WASHC5: variants seen among roughly 807,000 people sequenced by gnomAD.
The protein encoded by WASHC5 is WASH complex subunit 5.
A neutral mutation model predicts 150.4 loss-of-function variants in WASHC5; 101 were observed. That is an observed-to-expected ratio of 0.67 (90% CI 0.57 to 0.79). The LOEUF is 0.79. WASHC5 is among the 30% of genes least tolerant of loss of function. The pLI is 0.00. For synonymous variants in WASHC5, 467 were observed against 491.2 expected (o/e 0.95, Z 0.65); for missense variants, 1,195 against 1,396.3 (o/e 0.86, Z 2.30).
At chr8:125,081,601 A>AC in intron 5 of WASHC5, 60 bp downstream of exon 5, 1 of 896,066 alleles carries the variant, frequency 1.1e-6, no homozygotes, top group African/African-American at 1.6e-5. Flanking sequence ...GAATATGGGG[A>AC]CATACACTGC....
At position 125,032,257 on chromosome 8, in the gene WASHC5, C is replaced by T. The variant is rs138407503; in HGVS notation, c.3319G>A (p.Val1107Met). The change falls in exon 27 of 29, where the codon GTG becomes ATG. Residue 1107 changes from valine (V) to methionine (M), a missense_variant. Physicochemically the swap from Val to Met is conservative, Grantham distance 21 (BLOSUM62 1). Coordinates refer to ENST00000318410, the MANE Select transcript of WASHC5 (RefSeq NM_014846.4). ...ALIGQFICST[V>M]EQCTSQKIPE... Reference sequence around the variant, plus strand: ...CTTCTGTACCTTGTACACTGCTCCACCGTGGAGCAGATAAACTGGCCAATC... The same window carrying T: ...CTTCTGTACCTTGTACACTGCTCCATCGTGGAGCAGATAAACTGGCCAATC... The T allele has an allele frequency of 3.5e-3, 5,648 of 1,614,146 alleles. 15 individuals carry two copies. Among genetic ancestry groups the T allele is most frequent in the Non-Finnish European group, 3.7e-3 (4,358 of 1,180,012 alleles).
At chr8:125,029,113 C>T (rs1563606058) in intron 27 of WASHC5, among the ~76,000 whole-genome samples, 1 of 151,618 alleles carries the variant, frequency 6.6e-6, no homozygotes, top group Non-Finnish European at 1.5e-5. Flanking sequence ...CTCACTGCAA[C>T]CTCCGCCTCC....
Position 125,038,733 on chromosome 8 carries a change from C to T in WASHC5, c.3084+97G>A, listed in dbSNP as rs1815788945. On this transcript the variant is annotated intron_variant, in intron 25 of 28. Transcript: ENST00000318410. ...TGGAATGAAGGCTCTGGGGTCTGAACCCAGGTTCCTCTGGTATTTCTGCAC... is the reference window on the plus strand; with the variant it reads ...TGGAATGAAGGCTCTGGGGTCTGAATCCAGGTTCCTCTGGTATTTCTGCAC... 17 of 1,460,272 alleles carry T rather than the reference C, an allele frequency of 1.2e-5. No individual in the cohort carries two copies. In the East Asian group the frequency reaches 3.7e-4, roughly 32 times the overall value. The allele number at this position is 1,460,272 out of a possible 1,614,324, so 90.5% of individuals were successfully genotyped here.
chr8:125,090,524 A>T (rs1817573797), intron 1 of WASHC5, among the ~76,000 whole-genome samples: 2 of 152,210 alleles, frequency 1.3e-5, no homozygotes, highest in Admixed American at 1.3e-4. Flanking sequence ...AAATCCAGAG[A>T]TCCCACTATA....
chr8:125,048,937 G>A, intron 19 of WASHC5, 69 bp downstream of exon 19: 1 of 1,272,080 alleles, frequency 7.9e-7, no homozygotes, highest in African/African-American at 1.5e-5. Context: ...CATTTCTGAG[G>A]TTTGGGATGT....
intron 12 of WASHC5, among the ~76,000 whole-genome samples, chr8:125,060,625 C>T (rs1453026605): frequency 2.6e-5 from 4 of 151,396 alleles, no homozygotes; most frequent in Non-Finnish European, 5.9e-5. Flanking sequence ...GAAAGAAAAA[C>T]AATAAACTAT....
At chr8:125,074,034 G>T (rs1357196117) in intron 8 of WASHC5, among the ~76,000 whole-genome samples, 1 of 152,266 alleles carries the variant, frequency 6.6e-6, no homozygotes, top group East Asian at 1.9e-4. Context: ...ATACACCTTA[G>T]TATATCAAAA....
At chr8:125,082,997 T>C (rs1416321004) in intron 3 of WASHC5, 116 bp downstream of exon 3, 4 of 711,918 alleles carry the variant, frequency 5.6e-6, no homozygotes, top group Admixed American at 4.9e-5. Flanking sequence ...CTATATACAG[T>C]ATAAACTAAA....
intron 1 of WASHC5, among the ~76,000 whole-genome samples, chr8:125,087,957 A>C (rs182913332): frequency 7.3e-4 from 111 of 152,272 alleles, no homozygotes; most frequent in African/African-American, 2.6e-3. Context: ...ATAATAAAGG[A>C]TGGGGCATAT....
chr8:125,032,035 G>A (rs181350245), intron 27 of WASHC5, among the ~76,000 whole-genome samples: 3 of 152,230 alleles, frequency 2.0e-5, no homozygotes, highest in African/African-American at 4.8e-5. Context: ...TGAGTAGACC[G>A]GATGGAGTTC....
At chr8:125,052,214 A>G (rs1387870944) in intron 17 of WASHC5, among the ~76,000 whole-genome samples, 1 of 152,218 alleles carries the variant, frequency 6.6e-6, no homozygotes, top group Non-Finnish European at 1.5e-5. Context: ...AAGTATCATG[A>G]AGCTTTCAAA....
intron 1 of WASHC5, among the ~76,000 whole-genome samples, chr8:125,091,171 T>A (rs1395557507): frequency 6.6e-6 from 1 of 151,960 alleles, no homozygotes; most frequent in Non-Finnish European, 1.5e-5. Context: ...GACATCAGTA[T>A]GTCACAGGTG....
chr8:125,076,147 G>C lies in WASHC5; in HGVS notation c.864+201C>G, dbSNP rs1004676. ...TATCCATTTTAGAAAAAGACTAGTG[G>C]GTTCTTCAGGAAGTTTTACTGACTC... On this transcript the variant is annotated intron_variant, in intron 7 of 28. Coordinates refer to ENST00000318410, the MANE Select transcript of WASHC5 (RefSeq NM_014846.4). 0.11 allele frequency among the ~76,000 whole-genome samples: 16,766 copies of C among 151,998 alleles called. 2,159 individuals are homozygous for C. The highest frequency in any genetic ancestry group is 0.31 in the African/African-American group (12,806 of 41,428).
intron 28 of WASHC5, among the ~76,000 whole-genome samples, chr8:125,027,489 AT>A (rs1201091733): frequency 6.6e-6 from 1 of 152,232 alleles, no homozygotes; most frequent in Non-Finnish European, 1.5e-5. Flanking sequence ...GAGACTGGAG[AT>A]TATTCTTACA....
chr8:125,025,314 A>G (rs923073497), intron 28 of WASHC5, among the ~76,000 whole-genome samples: 3 of 152,188 alleles, frequency 2.0e-5, no homozygotes, highest in African/African-American at 7.2e-5. Context: ...TAGCAAATGC[A>G]GAAGAGTATA....
intron 15 of WASHC5, among the ~76,000 whole-genome samples, chr8:125,057,137 T>C (rs1038148071): frequency 3.9e-5 from 6 of 152,326 alleles, no homozygotes; most frequent in Middle Eastern, 3.4e-3. Flanking sequence ...AAATTTTGAA[T>C]TCAGGCTGGT....
rs1178466001 is a variant in WASHC5 at position 125,083,245 on chromosome 8, C to T, written c.200G>A (p.Trp67Ter). The T allele has an allele frequency of 1.2e-6, 2 of 1,612,924 alleles. No individual in the cohort carries two copies. Among genetic ancestry groups the T allele is most frequent in the Non-Finnish European group, 1.7e-6 (2 of 1,179,320 alleles). ...DFSYFKGPELWESKLDAKPEL... is the reference protein window; with the variant it reads ...DFSYFKGPEL Reference sequence around the variant, plus strand: ...TGGCTTAGCATCCAGTTTGCTTTCCCATAATTCTGGACCCTGAGAAAAAAA... The same window carrying T: ...TGGCTTAGCATCCAGTTTGCTTTCCTATAATTCTGGACCCTGAGAAAAAAA... The change falls in exon 3 of 29, where the codon TGG (tryptophan) becomes TAG (stop). Residue 67 changes from tryptophan to a stop codon, truncating the protein, a stop_gained. Coordinates refer to ENST00000318410, the MANE Select transcript of WASHC5 (RefSeq NM_014846.4). LOFTEE classifies it high-confidence loss of function.
intron 6 of WASHC5, among the ~76,000 whole-genome samples, chr8:125,078,444 C>T (rs1045354033): frequency 7.2e-5 from 11 of 152,178 alleles, no homozygotes; most frequent in East Asian, 3.8e-4. Flanking sequence ...CCCAGCATTG[C>T]GCATGTGAAT....
chr8:125,083,676 A>T (rs767123375), intron 2 of WASHC5, 37 bp downstream of exon 2: 2 of 1,518,424 alleles, frequency 1.3e-6, no homozygotes, highest in Non-Finnish European at 1.8e-6. Flanking sequence ...GCTTTTGTAG[A>T]AAAGACAACA....
Sources: allele counts gnomAD v4.1 joint callset (sites outside exome capture counted in the v4.1 genomes callset), GRCh38; gene constraint gnomAD v4.1.1; transcripts MANE v1.5; gene names NCBI Gene and HGNC (gene_info 2026-07-23, HGNC 2026-07-21).